Variants in KCNN3 observed in about 807,000 individuals in gnomAD.
The protein encoded by KCNN3 is small conductance calcium-activated potassium channel protein 3.
KCNN3 carries 16 observed loss-of-function variants against 62.9 expected under a neutral mutation model. The ratio of observed to expected loss-of-function variants is 0.25; its 90% CI spans 0.17 to 0.39. The LOEUF is 0.39. KCNN3 is among the 10% of genes least tolerant of loss of function. The probability of loss-of-function intolerance (pLI) is 1.00; values close to 1 mark genes in which losing one functional copy is unlikely to be tolerated. For missense variants in KCNN3, 599 were observed against 949.4 expected (o/e 0.63, Z 4.85); for synonymous variants, 370 against 389.2 (o/e 0.95, Z 0.58).
At chr1:154,797,747 T>C (rs1162854617) in intron 2 of KCNN3, among the ~76,000 whole-genome samples, 5 of 152,240 alleles carry the variant, frequency 3.3e-5, no homozygotes, top group African/African-American at 9.6e-5. Context: ...GCTTGGCATA[T>C]AGCAGATGCT....
intron 4 of KCNN3, among the ~76,000 whole-genome samples, chr1:154,731,800 C>T (rs1700599763): frequency 6.6e-6 from 1 of 152,184 alleles, no homozygotes; most frequent in African/African-American, 2.4e-5. Flanking sequence ...AGAGCCACAC[C>T]ACAAGCAGCC....
intron 2 of KCNN3, among the ~76,000 whole-genome samples, chr1:154,801,115 G>A (rs891487286): frequency 2.6e-5 from 3 of 115,760 alleles, no homozygotes; most frequent in Admixed American, 1.0e-4. Context: ...TTAGGATTCT[G>A]GGGGAGATGA....
At chr1:154,725,456 C>T (rs1349184557) in intron 5 of KCNN3, among the ~76,000 whole-genome samples, 1 of 152,030 alleles carries the variant, frequency 6.6e-6, no homozygotes, top group Non-Finnish European at 1.5e-5. Flanking sequence ...GGTGCTGTTT[C>T]CATTTTGTGT....
At chr1:154,861,092 T>C (rs1489917232) in intron 1 of KCNN3, among the ~76,000 whole-genome samples, 1 of 151,544 alleles carries the variant, frequency 6.6e-6, no homozygotes, top group Admixed American at 6.6e-5. Flanking sequence ...GGAGCTGGGA[T>C]AACAGGCGTG....
chr1:154,765,486 AAAC>A (rs1370077029), intron 3 of KCNN3, among the ~76,000 whole-genome samples: 4 of 152,120 alleles, frequency 2.6e-5, no homozygotes, highest in African/African-American at 9.7e-5. Flanking sequence ...CATTTTGCTA[AAAC>A]AATTTTAGTT....
intron 2 of KCNN3, among the ~76,000 whole-genome samples, chr1:154,818,384 A>AG (rs968234351): frequency 1.3e-5 from 2 of 152,152 alleles, no homozygotes; most frequent in African/African-American, 4.8e-5. Flanking sequence ...AGCCTCTCCC[A>AG]GGGGGGCCAG....
intron 2 of KCNN3, among the ~76,000 whole-genome samples, chr1:154,793,869 T>G (rs759694895): frequency 2.6e-5 from 4 of 152,176 alleles, no homozygotes; most frequent in Non-Finnish European, 5.9e-5. Context: ...CATTCCAGGG[T>G]TTGCACATAA....
chr1:154,728,311 A>G (rs1374703828), intron 4 of KCNN3, among the ~76,000 whole-genome samples: 1 of 152,224 alleles, frequency 6.6e-6, no homozygotes, highest in African/African-American at 2.4e-5. Context: ...TTCTTTCAAC[A>G]TAGAGATGTT....
chr1:154,831,973 A>G (rs1651394085), intron 1 of KCNN3, among the ~76,000 whole-genome samples: 1 of 151,998 alleles, frequency 6.6e-6, no homozygotes, highest in South Asian at 2.1e-4. Flanking sequence ...TGCCCCCATC[A>G]TACAGCATCC....
intron 7 of KCNN3, among the ~76,000 whole-genome samples, chr1:154,711,670 G>T (rs1360536554): frequency 6.6e-6 from 1 of 152,130 alleles, no homozygotes; most frequent in Non-Finnish European, 1.5e-5. Flanking sequence ...TGGGCCCCTA[G>T]CCCTGTTTGC....
intron 2 of KCNN3, among the ~76,000 whole-genome samples, chr1:154,816,875 A>G (rs1650689963): frequency 6.6e-6 from 1 of 152,180 alleles, no homozygotes; most frequent in Non-Finnish European, 1.5e-5. Flanking sequence ...AAAACCCTTC[A>G]GCAAGGCAAA....
rs1364652331 is a variant in KCNN3 at position 154,700,076 on chromosome 1, C to T, written c.*7900G>A. ...TTTTAATCCTTATGATCATTCAGGA[C>T]CTTCACATCTTCAAATAATTCTGTA... On this transcript the variant is annotated 3_prime_UTR_variant, in exon 8 of 8. Transcript: ENST00000271915. The T allele has an allele frequency of 1.3e-5, 2 of 152,120 alleles. No homozygotes were observed. The highest frequency in any genetic ancestry group is 2.9e-5 in the Non-Finnish European group (2 of 68,026). 9.4% of individuals were successfully genotyped at this position (152,120 alleles called of 1,614,324 possible). A position where few individuals can be genotyped will look rare whatever the true frequency, so the allele number is the denominator to read the frequency against.
intron 4 of KCNN3, among the ~76,000 whole-genome samples, chr1:154,726,718 C>T (rs963485824): frequency 6.6e-6 from 1 of 152,194 alleles, no homozygotes; most frequent in Non-Finnish European, 1.5e-5. Flanking sequence ...CTCATGAATT[C>T]ACCGTCATGC....
intron 3 of KCNN3, among the ~76,000 whole-genome samples, chr1:154,770,819 G>T (rs191964430): frequency 6.6e-6 from 1 of 152,180 alleles, no homozygotes. Context: ...AATTTTGGGA[G>T]GCCAAGGTAG....
Position 154,709,008 on chromosome 1 carries a change from A to G in KCNN3, c.1900-736T>C, listed in dbSNP as rs562431258. 2.0e-5 allele frequency among the ~76,000 whole-genome samples: 3 copies of G among 152,098 alleles called. No individual in the cohort carries two copies. In the East Asian group the frequency reaches 5.8e-4, roughly 29 times the overall value. On this transcript the variant is annotated intron_variant, in intron 7 of 7. Transcript: ENST00000271915. Reference sequence around the variant, plus strand: ...TCTTTGTTGACTGTATCACAGTTCAAACCCTCCCACTGACCAATCCTGCTT... The same window carrying G: ...TCTTTGTTGACTGTATCACAGTTCAGACCCTCCCACTGACCAATCCTGCTT...
Position 154,700,643 on chromosome 1 carries a change from A to C in KCNN3, c.*7333T>G, listed in dbSNP as rs1422222854. The C allele has an allele frequency of 6.6e-6, 1 of 152,108 alleles. No individual in the cohort carries two copies. The highest frequency in any genetic ancestry group is 2.4e-5 in the African/African-American group (1 of 41,410). 9.4% of individuals were successfully genotyped at this position (152,108 alleles called of 1,614,324 possible). ...TGATGAAACCCTGTCTCTACTAAAA[A>C]TACAAAAAAATTAGCTGGTCGTGGT... On this transcript the variant is annotated 3_prime_UTR_variant, in exon 8 of 8. Coordinates refer to ENST00000271915, the MANE Select transcript of KCNN3 (RefSeq NM_002249.6).
intron 1 of KCNN3, 104 bp downstream of exon 1, chr1:154,868,921 TCTCTCTC>T: frequency 9.3e-7 from 1 of 1,069,712 alleles, no homozygotes. Context: ...TCTCTCTCTC[TCTCTCTC>T]TCTCTCTCAA....
intron 3 of KCNN3, among the ~76,000 whole-genome samples, chr1:154,769,301 C>T (rs569992851): frequency 6.6e-6 from 1 of 152,272 alleles, no homozygotes; most frequent in East Asian, 1.9e-4. Flanking sequence ...TTTAATACAC[C>T]TCATGTTATA....
intron 2 of KCNN3, among the ~76,000 whole-genome samples, chr1:154,818,774 G>A (rs932369744): frequency 1.3e-5 from 2 of 152,168 alleles, no homozygotes; most frequent in African/African-American, 2.4e-5. Context: ...ACCCAGCTTG[G>A]GTGAGAGTTA....
Sources: allele counts gnomAD v4.1 joint callset (sites outside exome capture counted in the v4.1 genomes callset), GRCh38; gene constraint gnomAD v4.1.1; transcripts MANE v1.5; gene names NCBI Gene and HGNC (gene_info 2026-07-23, HGNC 2026-07-21).